Variants in GAS7 observed in about 807,000 individuals in gnomAD.
GAS7 encodes growth arrest-specific protein 7.
A neutral mutation model predicts 71.1 loss-of-function variants in GAS7; 28 were observed. That is an observed-to-expected ratio of 0.39 (90% CI 0.29 to 0.54). The LOEUF (loss-of-function observed/expected upper bound fraction) is 0.54. Ranked by LOEUF, GAS7 falls within the 20% of genes least tolerant of loss-of-function variation. The pLI is 0.62. For synonymous variants in GAS7, 258 were observed against 245.8 expected, an observed-to-expected ratio of 1.05 and a Z score of -0.46; for missense variants, 436 against 627.8, an observed-to-expected ratio of 0.69 and a Z score of 3.27.
intron 1 of GAS7, chr17:10,036,334 T>A (rs2072750681): frequency 1.9e-6 from 2 of 1,052,964 alleles, no homozygotes; most frequent in Middle Eastern, 4.0e-4. Flanking sequence ...AAATCTCAGT[T>A]TTCAGAGCTG....
intron 1 of GAS7, among the ~76,000 whole-genome samples, chr17:10,188,542 T>C (rs2074474093): frequency 6.6e-6 from 1 of 152,212 alleles, no homozygotes; most frequent in Admixed American, 6.5e-5. Context: ...TTTTTACATA[T>C]TTCTGTCTTC....
At chr17:10,142,744 A>G (rs2074092687) in intron 1 of GAS7, among the ~76,000 whole-genome samples, 2 of 152,200 alleles carry the variant, frequency 1.3e-5, no homozygotes, top group South Asian at 2.1e-4. Context: ...GGTATCCCCA[A>G]TATATTTCAA....
chr17:9,932,609 C>T (rs928688630), intron 9 of GAS7, among the ~76,000 whole-genome samples: 5 of 152,122 alleles, frequency 3.3e-5, no homozygotes, highest in Admixed American at 3.3e-4. Flanking sequence ...AGCTGAGAGT[C>T]GGAGAGAAAA....
At chr17:10,162,793 T>C (rs2074266164) in intron 1 of GAS7, among the ~76,000 whole-genome samples, 2 of 152,116 alleles carry the variant, frequency 1.3e-5, no homozygotes, top group African/African-American at 4.8e-5. Context: ...CCTAGTATAG[T>C]CAAATTCATA....
At chr17:9,927,817 G>C (rs764664035) in intron 9 of GAS7, among the ~76,000 whole-genome samples, 5 of 152,198 alleles carry the variant, frequency 3.3e-5, no homozygotes, top group Non-Finnish European at 7.3e-5. Context: ...GGAACTGATG[G>C]TGGGAACTGT....
rs1227411670 is a variant in GAS7 at position 9,974,710 on chromosome 17, G to A, written c.386-4948C>T. Among the ~76,000 whole-genome samples, 4 of 152,138 alleles carry A rather than the reference G, an allele frequency of 2.6e-5. No homozygotes were observed. The highest frequency in any genetic ancestry group is 5.9e-5 in the Non-Finnish European group (4 of 68,030). On this transcript the variant is annotated intron_variant, in intron 3 of 13. Coordinates refer to ENST00000432992, the MANE Select transcript of GAS7 (RefSeq NM_201433.2). The surrounding 1 kb of genome is among the most constrained non-coding windows in gnomAD (Gnocchi z 4.0). ...AGGTGTCTAATGAGAGGAGGGGACA[G>A]ATATTTGGGTAGAAAAGAGGAGGGA...
chr17:10,081,328 TA>T (rs2073454534), intron 1 of GAS7, among the ~76,000 whole-genome samples: 1 of 146,868 alleles, frequency 6.8e-6, no homozygotes, highest in African/African-American at 2.5e-5. Context: ...CTAATTTTTG[TA>T]TTTTTTTGTA....
At chr17:9,945,043 G>A (rs2068740358) in intron 6 of GAS7, among the ~76,000 whole-genome samples, 1 of 152,168 alleles carries the variant, frequency 6.6e-6, no homozygotes, top group Non-Finnish European at 1.5e-5. Context: ...GTCGCCCTCC[G>A]GATGCTGCTG....
chr17:9,961,796 C>T (rs1237897118), intron 4 of GAS7, among the ~76,000 whole-genome samples: 1 of 152,200 alleles, frequency 6.6e-6, no homozygotes, highest in African/African-American at 2.4e-5. Flanking sequence ...TCCAGGGTCA[C>T]AAGGCTATAG....
rs1555535947 is a variant in GAS7, at chr17:10,133,108, T to TTTTATATATA, written c.183+65099_183+65100insTATATATAAA. On this transcript the variant is annotated intron_variant, in intron 1 of 13. Coordinates refer to ENST00000432992, the MANE Select transcript of GAS7 (RefSeq NM_201433.2). ...ACTTTTTTCAAATTTTATAATTAGA[T>TTTTATATATA]TATATATTTTTATATTTTTTTTTTT... Among the ~76,000 whole-genome samples, 8 of 124,226 alleles carry TTTTATATATA rather than the reference T, an allele frequency of 6.4e-5. No homozygotes were observed. In the South Asian group the frequency reaches 2.1e-3, roughly 33 times the overall value. The allele number at this position is 124,226 out of a possible 152,430, so 81.5% of individuals were successfully genotyped here. A position where few individuals can be genotyped will look rare whatever the true frequency, so the allele number is the denominator to read the frequency against.
chr17:10,177,721 C>T (rs2074383608), intron 1 of GAS7, among the ~76,000 whole-genome samples: 2 of 152,222 alleles, frequency 1.3e-5, no homozygotes, highest in South Asian at 4.1e-4. Context: ...CCCTTTCCAA[C>T]TTGGCTGCAT....
At chr17:9,949,510 T>C (rs1034017969) in intron 5 of GAS7, among the ~76,000 whole-genome samples, 11 of 152,162 alleles carry the variant, frequency 7.2e-5, no homozygotes, top group Admixed American at 2.6e-4. Context: ...GAAGTAAATC[T>C]AGCGCACACC....
At chr17:10,055,790 A>AT (rs1294955447) in intron 1 of GAS7, among the ~76,000 whole-genome samples, 1 of 152,108 alleles carries the variant, frequency 6.6e-6, no homozygotes, top group African/African-American at 2.4e-5. Context: ...GCGCTCTGAT[A>AT]TTTTTCCGCT....
intron 4 of GAS7, among the ~76,000 whole-genome samples, chr17:9,966,250 G>A (rs879500549): frequency 1.3e-5 from 2 of 151,554 alleles, no homozygotes; most frequent in Non-Finnish European, 2.9e-5. Flanking sequence ...TGCCTGCCTC[G>A]GCCTCCCAAA....
intron 1 of GAS7, among the ~76,000 whole-genome samples, chr17:10,162,090 C>T (rs1249130721): frequency 1.7e-5 from 2 of 121,194 alleles, no homozygotes; most frequent in African/African-American, 3.3e-5. Context: ...AAAAAAAAAT[C>T]GCCTTCCCAG....
rs1189200824 is a variant in GAS7, at chr17:9,914,355, T to C, written c.*2873A>G. The C allele has an allele frequency of 2.2e-5, 4 of 182,414 alleles. No homozygotes were observed. Among genetic ancestry groups the C allele is most frequent in the Non-Finnish European group, 3.5e-5 (3 of 85,742 alleles). The allele number at this position is 182,414 out of a possible 1,614,324, so 11.3% of individuals were successfully genotyped here. On this transcript the variant is annotated 3_prime_UTR_variant, in exon 14 of 14. Coordinates refer to ENST00000432992, the MANE Select transcript of GAS7 (RefSeq NM_201433.2). Reference sequence around the variant, plus strand: ...GATTCTACTGCCTCAGCCTGCCGAATAGTTGGGACTACAGGTGTGCACCAC... The same window carrying C: ...GATTCTACTGCCTCAGCCTGCCGAACAGTTGGGACTACAGGTGTGCACCAC...
chr17:10,113,893 T>C (rs570105400), intron 1 of GAS7, among the ~76,000 whole-genome samples: 1 of 152,174 alleles, frequency 6.6e-6, no homozygotes, highest in Non-Finnish European at 1.5e-5. Flanking sequence ...CTTTTGGGTA[T>C]ACATACTGAC....
chr17:10,094,879 T>C (rs1284427360), intron 1 of GAS7, among the ~76,000 whole-genome samples: 2 of 152,196 alleles, frequency 1.3e-5, no homozygotes, highest in African/African-American at 4.8e-5. Flanking sequence ...AGCAAGAAGA[T>C]ACAGTTTATC....
intron 5 of GAS7, among the ~76,000 whole-genome samples, chr17:9,952,843 A>T (rs2033208726): frequency 6.6e-6 from 1 of 152,206 alleles, no homozygotes; most frequent in Non-Finnish European, 1.5e-5. Flanking sequence ...AGGTCAAAAA[A>T]TAACAGGTGC....
Sources: gnomAD v4.1 joint callset for allele counts (sites outside exome capture counted in the v4.1 genomes callset) on GRCh38, gnomAD v4.1.1 for gene constraint, Gnocchi (gnomAD v3.1) non-coding constraint, MANE v1.5 for transcripts, NCBI Gene and HGNC (gene_info 2026-07-23, HGNC 2026-07-21) for gene names.